Variants in SRGAP1 observed in about 807,000 individuals in gnomAD.
SRGAP1 encodes the protein SLIT-ROBO Rho GTPase activating protein 1, also known as SLIT-ROBO Rho GTPase-activating protein 1.
A neutral mutation model predicts 121.9 loss-of-function variants in SRGAP1; 43 were observed. The observed-to-expected ratio is 0.35, with a 90% CI of 0.28 to 0.46. The LOEUF (loss-of-function observed/expected upper bound fraction) is 0.46, where lower values mean the gene tolerates loss of function less well. SRGAP1 is among the 20% of genes least tolerant of loss of function. The pLI is 1.00. For missense variants in SRGAP1, 1,102 were observed against 1,350.9 expected, an observed-to-expected ratio of 0.82 and a Z score of 2.89; for synonymous variants, 447 against 485.4, an observed-to-expected ratio of 0.92 and a Z score of 1.04.
In SRGAP1 at chr12:64,079,022, C is replaced by T; in HGVS notation, c.1229C>T (p.Ser410Leu). 6.2e-7 allele frequency: 1 copy of T among 1,614,138 alleles called. No individual in the cohort carries two copies. Among genetic ancestry groups the T allele is most frequent in the East Asian group, 2.2e-5 (1 of 44,856 alleles). ...ECFQHSRSTE[S>L]VKSTVSETYL... ...TTCCAGCACAGTCGTTCCACAGAAT[C>T]AGTGAAGTCCACTGTCTCTGAAACC... Residue 410 changes from serine to leucine, a missense_variant, in exon 9 of 22, where the codon TCA (serine) becomes TTA (leucine). Coordinates refer to ENST00000355086, the MANE Select transcript of SRGAP1 (RefSeq NM_020762.4).
chr12:63,851,262 T>C (rs1899064327), intron 1 of SRGAP1, among the ~76,000 whole-genome samples: 1 of 152,092 alleles, frequency 6.6e-6, no homozygotes, highest in South Asian at 2.1e-4. Flanking sequence ...CCTGTTGATA[T>C]GTTAGACTGG....
intron 1 of SRGAP1, among the ~76,000 whole-genome samples, chr12:63,927,891 A>G (rs2031319233): frequency 6.6e-6 from 1 of 152,096 alleles, no homozygotes; most frequent in African/African-American, 2.4e-5. Flanking sequence ...ATTGATTCTT[A>G]CAATAGGACT....
intron 1 of SRGAP1, among the ~76,000 whole-genome samples, chr12:63,868,056 ATTTTTTTT>A (rs1219689164): frequency 1.7e-5 from 1 of 57,844 alleles, no homozygotes; most frequent in Non-Finnish European, 3.2e-5. Flanking sequence ...ATATATATAT[ATTTTTTTT>A]TTTTTTTTTT....
intron 9 of SRGAP1, among the ~76,000 whole-genome samples, chr12:64,079,745 G>A (rs1031946872): frequency 9.2e-5 from 14 of 151,910 alleles, no homozygotes; most frequent in Admixed American, 5.9e-4. Context: ...CACCAGGAGA[G>A]CTGGTGAAAG....
intron 12 of SRGAP1, chr12:64,091,832 A>G (rs2036058788): frequency 7.5e-7 from 1 of 1,332,558 alleles, no homozygotes; most frequent in Non-Finnish European, 1.0e-6. Flanking sequence ...TATACCTTGT[A>G]CCTCTGCTGT....
intron 3 of SRGAP1, among the ~76,000 whole-genome samples, chr12:64,011,524 A>G (rs1338940747): frequency 6.6e-6 from 1 of 152,202 alleles, no homozygotes; most frequent in East Asian, 1.9e-4. Context: ...TAAGCAAATA[A>G]TACAAATGCA....
chr12:64,123,651 T>G (rs564617418), intron 18 of SRGAP1, among the ~76,000 whole-genome samples: 3,108 of 135,150 alleles, frequency 0.023, 128 homozygotes, highest in African/African-American at 0.095. Flanking sequence ...AGGATTTATT[T>G]ATTTATTTAT....
intron 15 of SRGAP1, 109 bp downstream of exon 15, chr12:64,097,484 A>ACCCCATTG: frequency 1.8e-6 from 2 of 1,118,196 alleles, no homozygotes; most frequent in Non-Finnish European, 2.4e-6. Context: ...TTACCCCATT[A>ACCCCATTG]CCACCATATT....
intron 1 of SRGAP1, among the ~76,000 whole-genome samples, chr12:63,918,018 A>G (rs976513752): frequency 1.3e-5 from 2 of 152,200 alleles, no homozygotes; most frequent in Admixed American, 6.5e-5. Context: ...TCCCTAGCAC[A>G]TGGCCTTAGT....
chr12:64,031,299 C>T (rs1481076853), intron 4 of SRGAP1, among the ~76,000 whole-genome samples: 1 of 126,754 alleles, frequency 7.9e-6, no homozygotes, highest in Non-Finnish European at 1.6e-5. Flanking sequence ...GCCTGAGCGA[C>T]AGAGCAAGAC....
chr12:64,018,030 A>C (rs1368467019), intron 4 of SRGAP1, among the ~76,000 whole-genome samples: 2 of 152,050 alleles, frequency 1.3e-5, no homozygotes, highest in African/African-American at 4.8e-5. Context: ...AATAACAACA[A>C]ATGAGTAATA....
chr12:64,035,057 A>G (rs10878101), intron 4 of SRGAP1, among the ~76,000 whole-genome samples: 104,929 of 150,160 alleles, frequency 0.7, 37,399 homozygotes, highest in Non-Finnish European at 0.78. Flanking sequence ...AAAAAAAAAA[A>G]AAAAGAAAAG....
Position 64,159,038 on chromosome 12 carries a change from T to G in SRGAP1, c.*16366T>G, listed in dbSNP as rs1212599156. 1.3e-5 allele frequency: 2 copies of G among 151,764 alleles called. No individual in the cohort carries two copies. The highest frequency in any genetic ancestry group is 4.8e-5 in the African/African-American group (2 of 41,244). The allele number at this position is 151,764 out of a possible 1,614,324, so 9.4% of individuals were successfully genotyped here. A position where few individuals can be genotyped will look rare whatever the true frequency, so the allele number is the denominator to read the frequency against. On this transcript the variant is annotated 3_prime_UTR_variant, in exon 22 of 22. Transcript: ENST00000355086. ...ACTTGTGGGTTAAAATATAAAAGAG[T>G]GCTAGGCACACTGGCTCGCACCTGT...
At chr12:63,859,693 A>C (rs1899381729) in intron 1 of SRGAP1, among the ~76,000 whole-genome samples, 1 of 152,178 alleles carries the variant, frequency 6.6e-6, no homozygotes, top group Non-Finnish European at 1.5e-5. Context: ...TTTAGAATGT[A>C]AGCATCTTTT....
intron 15 of SRGAP1, among the ~76,000 whole-genome samples, chr12:64,108,357 A>C (rs1234218874): frequency 6.6e-6 from 1 of 152,188 alleles, no homozygotes; most frequent in Non-Finnish European, 1.5e-5. Flanking sequence ...CATGCATCAT[A>C]TGAAGGCAGG....
intron 2 of SRGAP1, among the ~76,000 whole-genome samples, chr12:63,985,621 AG>A (rs2033392864): frequency 6.6e-6 from 1 of 152,190 alleles, no homozygotes. Flanking sequence ...ATAAATTTCT[AG>A]GGGCCAAAAA....
Position 64,147,600 on chromosome 12 carries a change from A to T in SRGAP1, c.*4928A>T. 2.5e-6 allele frequency: 1 copy of T among 398,656 alleles called. No homozygotes were observed. 24.7% of individuals were successfully genotyped at this position (398,656 alleles called of 1,614,324 possible). ...GCTCATGTGCTGCTGACAGCATCGC[A>T]TTCGCCCGTGCTCTGTACTGCCTCT... On this transcript the variant is annotated 3_prime_UTR_variant, in exon 22 of 22. Coordinates refer to ENST00000355086, the MANE Select transcript of SRGAP1 (RefSeq NM_020762.4).
chr12:64,029,191 G>A (rs144819193), intron 4 of SRGAP1, among the ~76,000 whole-genome samples: 78 of 152,276 alleles, frequency 5.1e-4, no homozygotes, highest in Middle Eastern at 3.4e-3. Flanking sequence ...GAGGAGCTAT[G>A]ACTTTAAGGT....
intron 1 of SRGAP1, among the ~76,000 whole-genome samples, chr12:63,977,753 T>C (rs1027941982): frequency 5.9e-5 from 9 of 152,202 alleles, no homozygotes; most frequent in Non-Finnish European, 1.3e-4. Flanking sequence ...ATTATTGGTA[T>C]TGATTCATTC....
Sources: gnomAD v4.1 joint callset for allele counts (sites outside exome capture counted in the v4.1 genomes callset) on GRCh38, gnomAD v4.1.1 for gene constraint, MANE v1.5 for transcripts, NCBI Gene and HGNC (gene_info 2026-07-23, HGNC 2026-07-21) for gene names.